The following DLG2 variants were observed in gnomAD, a reference collection of about 807,000 sequenced individuals.
DLG2 encodes disks large homolog 2.
Under a neutral mutation model 132.5 loss-of-function variants are expected in DLG2, and 45 were observed. The ratio of observed to expected loss-of-function variants is 0.34; its 90% CI spans 0.27 to 0.44. The LOEUF is 0.44. Ranked by LOEUF, DLG2 falls within the 20% of genes least tolerant of loss-of-function variation. DLG2 has a pLI of 1.00. For missense variants in DLG2, 1,045 were observed against 1,196.9 expected (o/e 0.87, Z 1.87); for synonymous variants, 424 against 419.6 (o/e 1.01, Z -0.13).
rs2095840772 is a variant in DLG2, at chr11:84,035,509, T to A, written c.919+23806A>T. ...ACAAAAGCTGTAGGCAGGAACATACTTAGAACTTTGAAACAGTTGTAAGAA... is the reference window on the plus strand; with the variant it reads ...ACAAAAGCTGTAGGCAGGAACATACATAGAACTTTGAAACAGTTGTAAGAA... On this transcript the variant is annotated intron_variant, in intron 11 of 27. Transcript: ENST00000376104. 2.0e-5 allele frequency among the ~76,000 whole-genome samples: 3 copies of A among 152,154 alleles called. No individual in the cohort carries two copies. In the South Asian group the frequency reaches 6.2e-4, roughly 31 times the overall value.
At chr11:84,182,701 G>C (rs1034592290) in intron 8 of DLG2, among the ~76,000 whole-genome samples, 1 of 151,924 alleles carries the variant, frequency 6.6e-6, no homozygotes, top group African/African-American at 2.4e-5. Context: ...AACTAGAAAA[G>C]GAAGGGCAAA....
chr11:83,972,731 A>G lies in DLG2; in HGVS notation c.1057-7263T>C, dbSNP rs116872080. 5.8e-4 allele frequency among the ~76,000 whole-genome samples: 89 copies of G among 152,250 alleles called. No homozygotes were observed. The East Asian group carries it at 0.011, about 19-fold the overall frequency. ...GAATGAAGCATTTGTGTTGCATTCT[A>G]TTTTACATTTGTGTTGAGTCAGAGA... is the stretch of plus-strand genomic sequence containing the variant. On this transcript the variant is annotated intron_variant, in intron 12 of 27. Transcript: ENST00000376104.
chr11:85,398,317 G>C (rs887521670), intron 3 of DLG2, among the ~76,000 whole-genome samples: 6 of 152,102 alleles, frequency 3.9e-5, no homozygotes, highest in Non-Finnish European at 8.8e-5. Flanking sequence ...ATGCACACAA[G>C]AGAAAACAGG....
intron 6 of DLG2, among the ~76,000 whole-genome samples, chr11:84,971,327 G>A (rs2054068148): frequency 6.6e-6 from 1 of 152,186 alleles, no homozygotes; most frequent in Non-Finnish European, 1.5e-5. Context: ...TCATAAAGGA[G>A]ATATAGACAT....
At chr11:85,312,125 T>C (rs2080353194) in intron 3 of DLG2, among the ~76,000 whole-genome samples, 1 of 152,028 alleles carries the variant, frequency 6.6e-6, no homozygotes, top group Non-Finnish European at 1.5e-5. Flanking sequence ...TCCTCTATAG[T>C]AAAATGTGTC....
At chr11:85,382,612 T>C (rs566432393) in intron 3 of DLG2, among the ~76,000 whole-genome samples, 16 of 152,140 alleles carry the variant, frequency 1.1e-4, no homozygotes, top group East Asian at 5.8e-4. Flanking sequence ...GGGTTTATTA[T>C]TGAGATATCT....
intron 4 of DLG2, among the ~76,000 whole-genome samples, chr11:85,193,329 G>A (rs1230970684): frequency 6.6e-6 from 1 of 152,116 alleles, no homozygotes; most frequent in Non-Finnish European, 1.5e-5. Context: ...ATGAGCACGA[G>A]GGTTATCTCT....
intron 15 of DLG2, among the ~76,000 whole-genome samples, chr11:83,901,193 T>A (rs542377955): frequency 4.6e-5 from 7 of 152,338 alleles, no homozygotes; most frequent in African/African-American, 1.7e-4. Flanking sequence ...TACAGGCTCA[T>A]AGGCGGAAGG....
intron 7 of DLG2, among the ~76,000 whole-genome samples, chr11:84,418,396 AG>A (rs1176563372): frequency 6.6e-6 from 1 of 152,240 alleles, no homozygotes; most frequent in African/African-American, 2.4e-5. Context: ...TGATATATGA[AG>A]GACTTTATAT....
chr11:83,627,293 G>C (rs2062712733), intron 19 of DLG2, among the ~76,000 whole-genome samples: 1 of 151,688 alleles, frequency 6.6e-6, no homozygotes, highest in Non-Finnish European at 1.5e-5. Context: ...TGCCATGTTG[G>C]TGTGCTGCAC....
chr11:84,142,219 T>C (rs2094882464), intron 9 of DLG2, among the ~76,000 whole-genome samples: 1 of 151,536 alleles, frequency 6.6e-6, no homozygotes, highest in Non-Finnish European at 1.5e-5. Context: ...GGAGAATCGT[T>C]TGAACACAGG....
At chr11:84,158,915 A>G (rs1159830173) in intron 9 of DLG2, among the ~76,000 whole-genome samples, 2 of 152,228 alleles carry the variant, frequency 1.3e-5, no homozygotes, top group African/African-American at 4.8e-5. Context: ...TGCTGCTCTA[A>G]ACCTTTACGT....
chr11:84,415,535 G>A (rs1441410413), intron 7 of DLG2, among the ~76,000 whole-genome samples: 3 of 152,070 alleles, frequency 2.0e-5, no homozygotes, highest in Non-Finnish European at 4.4e-5. Flanking sequence ...TGAAACAACT[G>A]CCAGACTACA....
intron 4 of DLG2, among the ~76,000 whole-genome samples, chr11:85,276,899 C>A (rs1190952692): frequency 6.6e-6 from 1 of 152,076 alleles, no homozygotes; most frequent in Non-Finnish European, 1.5e-5. Context: ...TTGAGCAAGT[C>A]ATTTAAATGC....
chr11:83,513,049 T>A (rs1369663303), intron 21 of DLG2, among the ~76,000 whole-genome samples: 1 of 152,230 alleles, frequency 6.6e-6, no homozygotes, highest in Non-Finnish European at 1.5e-5. Flanking sequence ...ATATACCCAG[T>A]AATGGGATGG....
chr11:84,040,511 G>T (rs548838431), intron 11 of DLG2, among the ~76,000 whole-genome samples: 1 of 151,986 alleles, frequency 6.6e-6, no homozygotes, highest in African/African-American at 2.4e-5. Flanking sequence ...TCTCAGGTTT[G>T]TCAAAGATCA....
At chr11:83,745,071 A>G (rs1178948961) in intron 18 of DLG2, among the ~76,000 whole-genome samples, 4 of 152,176 alleles carry the variant, frequency 2.6e-5, no homozygotes, top group African/African-American at 7.2e-5. Context: ...TCAGTTCTCA[A>G]ACTCTGGATA....
At chr11:84,747,359 T>C (rs1465445798) in intron 6 of DLG2, among the ~76,000 whole-genome samples, 2 of 152,082 alleles carry the variant, frequency 1.3e-5, no homozygotes, top group African/African-American at 4.8e-5. Flanking sequence ...ACAGTAAAAA[T>C]ACACTTACCA....
chr11:84,615,118 T>C (rs1267290669), intron 6 of DLG2, among the ~76,000 whole-genome samples: 2 of 152,182 alleles, frequency 1.3e-5, no homozygotes, highest in Non-Finnish European at 2.9e-5. Flanking sequence ...CAAATGGTTG[T>C]GTATGACAGT....
Sources: allele counts gnomAD v4.1 joint callset (sites outside exome capture counted in the v4.1 genomes callset), GRCh38; gene constraint gnomAD v4.1.1; transcripts MANE v1.5; gene names NCBI Gene and HGNC (gene_info 2026-07-23, HGNC 2026-07-21).